The following MACROD1 variants were observed in gnomAD, a reference collection of about 807,000 sequenced individuals.
The protein encoded by MACROD1 is ADP-ribose glycohydrolase MACROD1.
A neutral mutation model predicts 41.4 loss-of-function variants in MACROD1; 31 were observed. That is an observed-to-expected ratio of 0.75 (90% CI 0.56 to 1.01). The LOEUF is 1.01. Ranked by LOEUF, MACROD1 falls within the 50% of genes least tolerant of loss-of-function variation. The probability of loss-of-function intolerance (pLI) is 0.00; values close to 1 mark genes in which losing one functional copy is unlikely to be tolerated. For missense variants in MACROD1, 473 were observed against 460.0 expected, an observed-to-expected ratio of 1.03 and a Z score of -0.26; for synonymous variants, 252 against 203.4, an observed-to-expected ratio of 1.24 and a Z score of -2.03.
chr11:64,044,153 CT>C (rs1943540939), intron 3 of MACROD1, among the ~76,000 whole-genome samples: 1 of 152,090 alleles, frequency 6.6e-6, no homozygotes, highest in South Asian at 2.1e-4. Flanking sequence ...TCGTAACCCC[CT>C]CAGCCTACAA....
chr11:64,088,605 G>A (rs369262007), intron 3 of MACROD1, among the ~76,000 whole-genome samples: 6 of 94,320 alleles, frequency 6.4e-5, no homozygotes, highest in Non-Finnish European at 1.1e-4. Context: ...CCTCCTCCCC[G>A]GGTTTTGTTT....
chr11:64,064,843 CTCATTCATTCAT>C lies in MACROD1; in HGVS notation c.518-49574_518-49563del, dbSNP rs71045731. On this transcript the variant is annotated intron_variant, in intron 3 of 10. Transcript: ENST00000255681. The surrounding 1 kb of genome is among the most constrained non-coding windows in gnomAD (Gnocchi z 4.5). ...CAAGAGGCTAGAGTTTCACAAGGACCTCATTCATTCATTCATTCATTCATTCATTCATTTGAT... is the reference window on the plus strand; with the variant it reads ...CAAGAGGCTAGAGTTTCACAAGGACCTCATTCATTCATTCATTCATTTGAT... Among the ~76,000 whole-genome samples the C allele has an allele frequency of 1.0e-4, 15 of 150,448 alleles. No homozygotes were observed. The highest frequency in any genetic ancestry group is 4.6e-4 in the Admixed American group (7 of 15,114).
At chr11:64,037,270 G>C (rs532392651) in intron 3 of MACROD1, among the ~76,000 whole-genome samples, 2 of 152,106 alleles carry the variant, frequency 1.3e-5, no homozygotes, top group African/African-American at 2.4e-5. Context: ...GGCTGTCTGT[G>C]GGGGGGACCC....
chr11:64,002,447 C>T (rs566280092), intron 4 of MACROD1, among the ~76,000 whole-genome samples: 1 of 152,304 alleles, frequency 6.6e-6, no homozygotes, highest in Non-Finnish European at 1.5e-5. Context: ...GATGCCCCCT[C>T]CTCACCCCCA....
Position 64,036,083 on chromosome 11 carries a change from C to G in MACROD1, c.518-20802G>C, listed in dbSNP as rs1253882218. On this transcript the variant is annotated intron_variant, in intron 3 of 10. Coordinates refer to ENST00000255681, the MANE Select transcript of MACROD1 (RefSeq NM_014067.4). The surrounding 1 kb of genome is among the most constrained non-coding windows in gnomAD (Gnocchi z 5.6). ...CCTCCGGCTCTGGTTCCCGCCCGCTCCTTGGAATAACCCCTGAGGCTCCAG... is the reference window on the plus strand; with the variant it reads ...CCTCCGGCTCTGGTTCCCGCCCGCTGCTTGGAATAACCCCTGAGGCTCCAG... The G allele has an allele frequency of 1.3e-5, 2 of 151,718 alleles. No homozygotes were observed. Among genetic ancestry groups the G allele is most frequent in the African/African-American group, 4.8e-5 (2 of 41,322 alleles). 9.4% of individuals were successfully genotyped at this position (151,718 alleles called of 1,614,324 possible). A position where few individuals can be genotyped will look rare whatever the true frequency, so the allele number is the denominator to read the frequency against.
At chr11:64,062,645 C>T (rs1943926762) in intron 3 of MACROD1, among the ~76,000 whole-genome samples, 1 of 152,216 alleles carries the variant, frequency 6.6e-6, no homozygotes, top group Non-Finnish European at 1.5e-5. Context: ...GGCCCTGCCT[C>T]AGTCTCCAGC....
chr11:64,163,850 C>T (rs1945793757), intron 1 of MACROD1, among the ~76,000 whole-genome samples: 1 of 152,212 alleles, frequency 6.6e-6, no homozygotes, highest in African/African-American at 2.4e-5. Context: ...ACATCTCACC[C>T]CCGAAAGCGT....
intron 3 of MACROD1, among the ~76,000 whole-genome samples, chr11:64,021,614 C>A (rs1943153365): frequency 6.6e-6 from 1 of 152,112 alleles, no homozygotes; most frequent in Non-Finnish European, 1.5e-5. Context: ...CTGGGCCTCA[C>A]CCTGGCCTCA....
At chr11:64,047,884 T>G (rs1590836215) in intron 3 of MACROD1, among the ~76,000 whole-genome samples, 7 of 119,058 alleles carry the variant, frequency 5.9e-5, no homozygotes, top group African/African-American at 1.3e-4. Context: ...GTGACAAGAG[T>G]GAAACTCCGT....
intron 3 of MACROD1, among the ~76,000 whole-genome samples, chr11:64,066,249 A>T (rs1005220464): frequency 7.0e-6 from 1 of 142,438 alleles, no homozygotes; most frequent in Admixed American, 7.4e-5. Context: ...GTGAGCCAAG[A>T]TTGTACCACT....
intron 3 of MACROD1, among the ~76,000 whole-genome samples, chr11:64,076,648 C>G (rs1382964244): frequency 6.6e-6 from 1 of 152,204 alleles, no homozygotes; most frequent in Non-Finnish European, 1.5e-5. Context: ...AGCTGAGGCA[C>G]AGAGAGAGAC....
intron 3 of MACROD1, among the ~76,000 whole-genome samples, chr11:64,087,413 G>A (rs1197038286): frequency 6.6e-6 from 1 of 152,168 alleles, no homozygotes; most frequent in Non-Finnish European, 1.5e-5. Flanking sequence ...AGCCCGAGGA[G>A]ACTCCGGGGT....
At chr11:64,155,367 G>C (rs903924163) in intron 1 of MACROD1, among the ~76,000 whole-genome samples, 1 of 152,268 alleles carries the variant, frequency 6.6e-6, no homozygotes, top group Non-Finnish European at 1.5e-5. Flanking sequence ...GCTGGTGGCA[G>C]CCGGCCTAGA....
At chr11:64,098,959 G>C (rs1944624544) in intron 3 of MACROD1, among the ~76,000 whole-genome samples, 1 of 152,192 alleles carries the variant, frequency 6.6e-6, no homozygotes, top group Admixed American at 6.5e-5. Context: ...TGCTAATATA[G>C]GAATTAATAT....
rs1300151292 is a variant in MACROD1 at position 64,090,700 on chromosome 11, G to A, written c.517+60539C>T. Among the ~76,000 whole-genome samples the A allele has an allele frequency of 6.6e-6, 1 of 152,106 alleles. No homozygotes were observed. The highest frequency in any genetic ancestry group is 1.5e-5 in the Non-Finnish European group (1 of 68,014). ...CTTCTCTGAGGCGGGGACGTCCCAA[G>A]ACTAAAATGGGGGCAGGGGTGGCAG... On this transcript the variant is annotated intron_variant, in intron 3 of 10. Transcript: ENST00000255681. The surrounding 1 kb of genome is among the most constrained non-coding windows in gnomAD (Gnocchi z 4.7).
At chr11:64,085,116 G>T (rs1944371094) in intron 3 of MACROD1, among the ~76,000 whole-genome samples, 2 of 152,226 alleles carry the variant, frequency 1.3e-5, no homozygotes, top group African/African-American at 4.8e-5. Flanking sequence ...CCCATGCAGT[G>T]GGGCACCAGG....
intron 3 of MACROD1, among the ~76,000 whole-genome samples, chr11:64,129,429 C>A (rs11606544): frequency 7.9e-5 from 12 of 152,278 alleles, no homozygotes; most frequent in African/African-American, 2.9e-4. Context: ...ACCAACCCTA[C>A]GGCTGTGACG....
intron 3 of MACROD1, among the ~76,000 whole-genome samples, chr11:64,029,186 G>A (rs559381656): frequency 6.6e-6 from 1 of 152,210 alleles, no homozygotes; most frequent in Admixed American, 6.5e-5. Flanking sequence ...GCTGGGGTTG[G>A]TTGAGCCGGG....
chr11:64,118,927 TAA>T (rs5792312), intron 3 of MACROD1: 6 of 157,596 alleles, frequency 3.8e-5, no homozygotes. Flanking sequence ...TGTAGTCGAT[TAA>T]AAAAAAAAAA....
Sources: gnomAD v4.1 joint callset for allele counts (sites outside exome capture counted in the v4.1 genomes callset) on GRCh38, gnomAD v4.1.1 for gene constraint, Gnocchi (gnomAD v3.1) non-coding constraint, MANE v1.5 for transcripts, NCBI Gene and HGNC (gene_info 2026-07-23, HGNC 2026-07-21) for gene names.